ZBTB20: variants seen among roughly 807,000 people sequenced by gnomAD.
The protein encoded by ZBTB20 is zinc finger and BTB domain-containing protein 20.
In ZBTB20, 9 loss-of-function variants were observed where a neutral mutation model predicts 56.9. That is an observed-to-expected ratio of 0.16 (90% CI 0.10 to 0.28). The LOEUF (loss-of-function observed/expected upper bound fraction) is 0.28, where lower values mean the gene tolerates loss of function less well. Ranked by LOEUF, ZBTB20 falls within the 10% of genes least tolerant of loss-of-function variation. The pLI is 1.00. For missense variants in ZBTB20, 655 were observed against 1,003.0 expected, an observed-to-expected ratio of 0.65 and a Z score of 4.69; for synonymous variants, 417 against 420.7, an observed-to-expected ratio of 0.99 and a Z score of 0.11.
At chr3:114,357,770 A>T (rs1248317818) in intron 10 of ZBTB20, among the ~76,000 whole-genome samples, 3 of 152,206 alleles carry the variant, frequency 2.0e-5, no homozygotes, top group African/African-American at 7.2e-5. Flanking sequence ...AAACTTTGTG[A>T]TTGCATTACT....
chr3:114,681,562 CTCT>C (rs1412561251), intron 6 of ZBTB20, among the ~76,000 whole-genome samples: 1 of 152,182 alleles, frequency 6.6e-6, no homozygotes, highest in African/African-American at 2.4e-5. Flanking sequence ...TTCACATTGC[CTCT>C]TCTTAGAATC....
At chr3:114,952,603 A>AG (rs1265652311) in intron 3 of ZBTB20, among the ~76,000 whole-genome samples, 3 of 152,138 alleles carry the variant, frequency 2.0e-5, no homozygotes, top group African/African-American at 7.2e-5. Context: ...AGAAAAAAAA[A>AG]AAATCAATCT....
chr3:114,864,274 C>T (rs927941408), intron 4 of ZBTB20, among the ~76,000 whole-genome samples: 9 of 151,976 alleles, frequency 5.9e-5, no homozygotes, highest in African/African-American at 1.9e-4. Flanking sequence ...ACATTGTCTC[C>T]ATCAAATTCA....
At chr3:114,979,440 T>C (rs1475161948) in intron 2 of ZBTB20, among the ~76,000 whole-genome samples, 1 of 151,976 alleles carries the variant, frequency 6.6e-6, no homozygotes, top group Non-Finnish European at 1.5e-5. Context: ...AAATTTTCAA[T>C]CCATAGTCCT....
intron 2 of ZBTB20, among the ~76,000 whole-genome samples, chr3:115,015,679 A>T (rs1474395683): frequency 6.6e-6 from 1 of 151,926 alleles, no homozygotes; most frequent in South Asian, 2.1e-4. Context: ...ATAGTATTCC[A>T]TGATATATAT....
At chr3:114,817,886 T>C (rs934280814) in intron 4 of ZBTB20, among the ~76,000 whole-genome samples, 5 of 152,150 alleles carry the variant, frequency 3.3e-5, no homozygotes, top group African/African-American at 4.8e-5. Context: ...CAAGTTAGAT[T>C]ATGCTACACT....
At chr3:115,101,709 A>G (rs1412051722) in intron 1 of ZBTB20, among the ~76,000 whole-genome samples, 1 of 152,196 alleles carries the variant, frequency 6.6e-6, no homozygotes, top group Non-Finnish European at 1.5e-5. Context: ...CACAAATAAA[A>G]AATATAAGTG....
intron 2 of ZBTB20, among the ~76,000 whole-genome samples, chr3:115,068,134 T>C (rs373342836): frequency 6.6e-6 from 1 of 151,992 alleles, no homozygotes; most frequent in Non-Finnish European, 1.5e-5. Flanking sequence ...CTTAAAAATA[T>C]CAGGTTTAAC....
At chr3:115,001,763 G>A (rs2079261205) in intron 2 of ZBTB20, among the ~76,000 whole-genome samples, 1 of 151,330 alleles carries the variant, frequency 6.6e-6, no homozygotes, top group Non-Finnish European at 1.5e-5. Context: ...TAAATAAACT[G>A]AGAGATATTC....
chr3:114,797,495 C>T (rs756807587), intron 5 of ZBTB20, among the ~76,000 whole-genome samples: 11 of 151,806 alleles, frequency 7.2e-5, no homozygotes, highest in Non-Finnish European at 1.2e-4. Context: ...AAATGATAAC[C>T]ATTTACTTCC....
In ZBTB20 at chr3:114,316,036, G is replaced by A. The variant is rs757654230; in HGVS notation, c.*22969C>T. 5.4e-6 allele frequency: 1 copy of A among 186,210 alleles called. No individual in the cohort carries two copies. Among genetic ancestry groups the A allele is most frequent in the Non-Finnish European group, 1.1e-5 (1 of 91,782 alleles). The allele number at this position is 186,210 out of a possible 1,614,324, so 11.5% of individuals were successfully genotyped here. On this transcript the variant is annotated 3_prime_UTR_variant, in exon 12 of 12. Coordinates refer to ENST00000675478, the MANE Select transcript of ZBTB20 (RefSeq NM_001348800.3). ...ATTTTCACATGGTAGTTCTGAGTCAGGCCAAAGGTTTTGAGGTTTCTGACA... is the reference window on the plus strand; with the variant it reads ...ATTTTCACATGGTAGTTCTGAGTCAAGCCAAAGGTTTTGAGGTTTCTGACA...
chr3:114,579,218 GTTTTTC>G (rs2054397697), intron 6 of ZBTB20, among the ~76,000 whole-genome samples: 1 of 151,624 alleles, frequency 6.6e-6, no homozygotes, highest in African/African-American at 2.4e-5. Flanking sequence ...GCTAAAAAAA[GTTTTTC>G]AATTAAAACC....
chr3:115,102,369 T>C (rs1014096052), intron 1 of ZBTB20, among the ~76,000 whole-genome samples: 4 of 152,210 alleles, frequency 2.6e-5, no homozygotes, highest in African/African-American at 9.7e-5. Context: ...CTGGCAGCTC[T>C]GCTTTTCTAC....
intron 5 of ZBTB20, among the ~76,000 whole-genome samples, chr3:114,738,612 A>G (rs1287763484): frequency 6.6e-6 from 1 of 152,188 alleles, no homozygotes; most frequent in African/African-American, 2.4e-5. Flanking sequence ...TAGACTGTTC[A>G]TTTTTTAAAA....
intron 2 of ZBTB20, among the ~76,000 whole-genome samples, chr3:115,063,442 G>A (rs958201363): frequency 7.2e-5 from 11 of 152,258 alleles, no homozygotes; most frequent in African/African-American, 2.4e-4. Flanking sequence ...AAGAGACAGA[G>A]TGGAAGCAAG....
chr3:114,651,244 A>G (rs1164617248), intron 6 of ZBTB20, among the ~76,000 whole-genome samples: 1 of 152,068 alleles, frequency 6.6e-6, no homozygotes, highest in Admixed American at 6.6e-5. Context: ...TTACAATCAG[A>G]CTTGGGCAGT....
chr3:115,052,338 TC>T (rs537119528), intron 2 of ZBTB20, among the ~76,000 whole-genome samples: 26 of 151,860 alleles, frequency 1.7e-4, no homozygotes, highest in African/African-American at 6.0e-4. Context: ...ATGCCTGTAA[TC>T]CCAGCTACTC....
At chr3:114,477,159 C>A (rs1278782391) in intron 7 of ZBTB20, among the ~76,000 whole-genome samples, 1 of 152,136 alleles carries the variant, frequency 6.6e-6, no homozygotes, top group African/African-American at 2.4e-5. Context: ...AAAAACATAC[C>A]TGAAATAACA....
chr3:114,622,505 C>T (rs2058387561), intron 6 of ZBTB20, among the ~76,000 whole-genome samples: 1 of 152,144 alleles, frequency 6.6e-6, no homozygotes, highest in African/African-American at 2.4e-5. Context: ...TAATGTGCCT[C>T]ACAAACTATA....
Sources: gnomAD v4.1 joint callset for allele counts (sites outside exome capture counted in the v4.1 genomes callset) on GRCh38, gnomAD v4.1.1 for gene constraint, MANE v1.5 for transcripts, NCBI Gene and HGNC (gene_info 2026-07-23, HGNC 2026-07-21) for gene names.